Variants in EEF1AKMT1 observed in about 807,000 individuals in gnomAD.
EEF1AKMT1 encodes the protein N-6 adenine-specific DNA methyltransferase 2 (putative).
A neutral mutation model predicts 21.0 loss-of-function variants in EEF1AKMT1; 18 were observed. That is an observed-to-expected ratio of 0.86 (90% CI 0.59 to 1.27). EEF1AKMT1 has a LOEUF of 1.27. Ranked by LOEUF, EEF1AKMT1 falls within the 50% of genes most tolerant of loss-of-function variation. The pLI, the probability that EEF1AKMT1 is intolerant of heterozygous loss-of-function variation, is 0.00. For missense variants in EEF1AKMT1, 246 were observed against 258.6 expected (o/e 0.95, Z 0.33); for synonymous variants, 109 against 94.8 (o/e 1.15, Z -0.87).
chr13:20,760,919 T>G lies in EEF1AKMT1; in HGVS notation c.-19-3302A>C, dbSNP rs567093018. Among the ~76,000 whole-genome samples the G allele has an allele frequency of 2.5e-4, 38 of 152,338 alleles. No individual in the cohort carries two copies. The South Asian group carries it at 7.5e-3, about 30-fold the overall frequency. On this transcript the variant is annotated intron_variant, in intron 1 of 4. Coordinates refer to ENST00000382758, the MANE Select transcript of EEF1AKMT1 (RefSeq NM_001318939.2). ...CACCAATTCTCATTCCTAAGCTTTC[T>G]ACTCTGAAATAATCACAGATTCACA...
At chr13:20,750,807 G>T (rs2058936149) in intron 2 of EEF1AKMT1, among the ~76,000 whole-genome samples, 1 of 152,132 alleles carries the variant, frequency 6.6e-6, no homozygotes, top group Non-Finnish European at 1.5e-5. Context: ...CCCACCAACG[G>T]TGTATAAGAG....
chr13:20,760,844 C>G (rs775533841), intron 1 of EEF1AKMT1, among the ~76,000 whole-genome samples: 47 of 152,142 alleles, frequency 3.1e-4, no homozygotes, highest in Non-Finnish European at 6.2e-4. Flanking sequence ...TTGGCATAAT[C>G]TTTTGGAAAA....
intron 2 of EEF1AKMT1, among the ~76,000 whole-genome samples, chr13:20,743,496 T>TA (rs2058884315): frequency 6.6e-6 from 1 of 151,500 alleles, no homozygotes; most frequent in Admixed American, 6.6e-5. Context: ...TCTGTCACTT[T>TA]CTCTCAGTGG....
chr13:20,729,648 A>G (rs1418588324), intron 4 of EEF1AKMT1, among the ~76,000 whole-genome samples: 2 of 152,092 alleles, frequency 1.3e-5, no homozygotes, highest in African/African-American at 2.4e-5. Context: ...CCCTTTTGCC[A>G]TCTGCTCCCA....
intron 2 of EEF1AKMT1, among the ~76,000 whole-genome samples, chr13:20,746,555 T>C (rs2058905980): frequency 6.6e-6 from 1 of 152,216 alleles, no homozygotes; most frequent in South Asian, 2.1e-4. Context: ...GGAAGGGCTT[T>C]GAGTTCACTT....
At chr13:20,766,298 C>CAAAAAAAAA (rs35866979) in intron 1 of EEF1AKMT1, among the ~76,000 whole-genome samples, 9 of 76,710 alleles carry the variant, frequency 1.2e-4, no homozygotes, top group African/African-American at 2.4e-4. Flanking sequence ...GACTCCATCT[C>CAAAAAAAAA]AAAAAAAAAA....
chr13:20,765,416 T>TTTTTTTTTTTTTTC (rs2059024689), intron 1 of EEF1AKMT1, among the ~76,000 whole-genome samples: 1 of 128,964 alleles, frequency 7.8e-6, no homozygotes, highest in African/African-American at 3.0e-5. Context: ...TTTTTTTTTT[T>TTTTTTTTTTTTTTC]TTTTTTTTTT....
chr13:20,732,189 C>T, intron 3 of EEF1AKMT1, 68 bp from the exon 4 acceptor site: 2 of 1,498,916 alleles, frequency 1.3e-6, no homozygotes, highest in Non-Finnish European at 1.8e-6. Context: ...ACAACTTCTT[C>T]ACTAAACAAT....
intron 2 of EEF1AKMT1, among the ~76,000 whole-genome samples, chr13:20,752,351 A>AT (rs2058946349): frequency 6.6e-6 from 1 of 152,044 alleles, no homozygotes; most frequent in Non-Finnish European, 1.5e-5. Flanking sequence ...AGTTTTTATC[A>AT]TGAAGGGATG....
At chr13:20,754,566 A>T (rs1456884159) in intron 2 of EEF1AKMT1, among the ~76,000 whole-genome samples, 2 of 151,992 alleles carry the variant, frequency 1.3e-5, no homozygotes, top group African/African-American at 4.8e-5. Context: ...TATTCCATGA[A>T]ATAGGTTTTC....
chr13:20,734,312 T>C (rs1237108602), intron 3 of EEF1AKMT1, among the ~76,000 whole-genome samples: 1 of 151,988 alleles, frequency 6.6e-6, no homozygotes, highest in African/African-American at 2.4e-5. Context: ...GACCGGTGGG[T>C]CTGGTGGGGA....
intron 4 of EEF1AKMT1, among the ~76,000 whole-genome samples, chr13:20,731,555 C>T (rs916886250): frequency 1.3e-5 from 2 of 152,156 alleles, no homozygotes; most frequent in Non-Finnish European, 2.9e-5. Flanking sequence ...GGATAAGATA[C>T]CGATAGTATT....
intron 1 of EEF1AKMT1, among the ~76,000 whole-genome samples, chr13:20,771,892 C>T (rs537376801): frequency 2.0e-5 from 3 of 151,954 alleles, no homozygotes; most frequent in Admixed American, 2.0e-4. Flanking sequence ...GCACCTATAG[C>T]GCCAGCTACT....
At chr13:20,756,556 T>C (rs78585213) in intron 2 of EEF1AKMT1, among the ~76,000 whole-genome samples, 2,449 of 152,210 alleles carry the variant, frequency 0.016, 64 homozygotes, top group African/African-American at 0.055. Context: ...GAAGCAGAAG[T>C]TTGTATTGGA....
chr13:20,739,158 C>T (rs2058851292), intron 2 of EEF1AKMT1, among the ~76,000 whole-genome samples: 1 of 151,682 alleles, frequency 6.6e-6, no homozygotes, highest in Admixed American at 6.6e-5. Context: ...GGTAGTTCCT[C>T]CCATCCGAAG....
chr13:20,772,238 AT>A (rs2059066359), intron 1 of EEF1AKMT1, among the ~76,000 whole-genome samples: 2 of 152,046 alleles, frequency 1.3e-5, no homozygotes, highest in African/African-American at 4.8e-5. Context: ...AGTAAAAAAA[AT>A]TTTTTTCTTT....
chr13:20,735,215 G>A (rs908247491), intron 3 of EEF1AKMT1, among the ~76,000 whole-genome samples: 1 of 152,156 alleles, frequency 6.6e-6, no homozygotes, highest in African/African-American at 2.4e-5. Context: ...GACAGAACCC[G>A]GTAACTCAAG....
chr13:20,741,409 G>A (rs964040568), intron 2 of EEF1AKMT1, among the ~76,000 whole-genome samples: 2 of 149,974 alleles, frequency 1.3e-5, no homozygotes, highest in African/African-American at 2.5e-5. Context: ...TGAAATTTCT[G>A]TCAATAGCAT....
intron 2 of EEF1AKMT1, 45 bp from the exon 3 acceptor site, chr13:20,737,850 G>C (rs969121284): frequency 1.4e-5 from 19 of 1,403,854 alleles, no homozygotes; most frequent in Non-Finnish European, 1.9e-5. Flanking sequence ...ACTGGCATAA[G>C]CTTTGTTCTT....
Sources: allele counts gnomAD v4.1 joint callset (sites outside exome capture counted in the v4.1 genomes callset), GRCh38; gene constraint gnomAD v4.1.1; transcripts MANE v1.5; gene names NCBI Gene and HGNC (gene_info 2026-07-23, HGNC 2026-07-21).